LRP12: variants seen among roughly 807,000 people sequenced by gnomAD.
LRP12 encodes LDL receptor related protein 12.
A neutral mutation model predicts 66.0 loss-of-function variants in LRP12; 14 were observed. The observed-to-expected ratio is 0.21, with a 90% CI of 0.14 to 0.33. The LOEUF (loss-of-function observed/expected upper bound fraction) is 0.33, where lower values mean the gene tolerates loss of function less well. Among genes scored for constraint, LRP12 ranks in the 10% least tolerant of loss-of-function variants. The probability of loss-of-function intolerance (pLI) is 1.00; values close to 1 mark genes in which losing one functional copy is unlikely to be tolerated. For synonymous variants in LRP12, 357 were observed against 359.1 expected (o/e 0.99, Z 0.07); for missense variants, 889 against 1,053.4 (o/e 0.84, Z 2.16).
At chr8:104,554,032 G>C (rs76873829) in intron 1 of LRP12, among the ~76,000 whole-genome samples, 4,665 of 152,128 alleles carry the variant, frequency 0.031, 237 homozygotes, top group African/African-American at 0.11. Flanking sequence ...AATGAAACAA[G>C]AATCACTGCA....
At chr8:104,571,202 ATTC>A (rs1194532118) in intron 1 of LRP12, among the ~76,000 whole-genome samples, 2 of 151,946 alleles carry the variant, frequency 1.3e-5, no homozygotes, top group African/African-American at 4.8e-5. Flanking sequence ...GGACCCAGCA[ATTC>A]TTCTCCTAAG....
At chr8:104,567,408 C>T (rs761737972) in intron 1 of LRP12, among the ~76,000 whole-genome samples, 10 of 152,054 alleles carry the variant, frequency 6.6e-5, no homozygotes, top group Admixed American at 1.3e-4. Context: ...GAGAATAGCA[C>T]GGGAAAGACT....
intron 2 of LRP12, among the ~76,000 whole-genome samples, chr8:104,530,065 GTTTT>G (rs373882364): frequency 3.3e-5 from 5 of 151,874 alleles, no homozygotes; most frequent in African/African-American, 9.7e-5. Flanking sequence ...TGTTCTTATT[GTTTT>G]TTGTTTTGAA....
intron 1 of LRP12, among the ~76,000 whole-genome samples, chr8:104,548,309 TTATATAAATATATAA>T (rs1564142109): frequency 0.021 from 874 of 41,914 alleles, 104 homozygotes; most frequent in African/African-American, 0.11. Context: ...ATAATATATA[TTATATAAATATATAA>T]TATATATTAT....
rs1170904768 is a variant in LRP12, at chr8:104,548,207, ATTTATATT to A, written c.80-16252_80-16245del. ...TAATATATATATAAATATATGATATATTTATATTAATATATGATATATTTATATTAATA... is the reference window on the plus strand; with the variant it reads ...TAATATATATATAAATATATGATATAAATATATGATATATTTATATTAATA... On this transcript the variant is annotated intron_variant, in intron 1 of 6. Coordinates refer to ENST00000276654, the MANE Select transcript of LRP12 (RefSeq NM_013437.5). 7.2e-3 allele frequency among the ~76,000 whole-genome samples: 695 copies of A among 96,014 alleles called. 21 individuals are homozygous for A. Among genetic ancestry groups the A allele is most frequent in the African/African-American group, 0.028 (464 of 16,520 alleles). 63.0% of individuals were successfully genotyped at this position (96,014 alleles called of 152,430 possible). A position where few individuals can be genotyped will look rare whatever the true frequency, so the allele number is the denominator to read the frequency against.
chr8:104,572,122 A>C (rs1038619421), intron 1 of LRP12, among the ~76,000 whole-genome samples: 3 of 152,260 alleles, frequency 2.0e-5, no homozygotes, highest in Non-Finnish European at 4.4e-5. Context: ...TGAATCTCCA[A>C]GATATTATGC....
chr8:104,532,017 TTTCAG>T, intron 1 of LRP12, 54 bp from the exon 2 acceptor site: 1 of 1,120,592 alleles, frequency 8.9e-7, no homozygotes, highest in South Asian at 1.5e-5. Flanking sequence ...TACAAAATTT[TTTCAG>T]ATCCTCCCTT....
chr8:104,576,319 G>C (rs897994482), intron 1 of LRP12, among the ~76,000 whole-genome samples: 54 of 152,236 alleles, frequency 3.5e-4, no homozygotes, highest in African/African-American at 1.2e-3. Flanking sequence ...GTAATCATCA[G>C]ATTCTCCAAG....
intron 2 of LRP12, among the ~76,000 whole-genome samples, chr8:104,517,307 A>C (rs548735664): frequency 6.6e-6 from 1 of 151,662 alleles, no homozygotes; most frequent in Non-Finnish European, 1.5e-5. Context: ...CCAAAAACCT[A>C]TATTATACAA....
chr8:104,535,025 TAAAA>T (rs35159534), intron 1 of LRP12, among the ~76,000 whole-genome samples: 1 of 131,728 alleles, frequency 7.6e-6, no homozygotes. Flanking sequence ...TAGCAAATAC[TAAAA>T]AAAAAAAAAA....
chr8:104,554,360 T>G (rs1041724918), intron 1 of LRP12, among the ~76,000 whole-genome samples: 1 of 151,996 alleles, frequency 6.6e-6, no homozygotes, highest in Non-Finnish European at 1.5e-5. Flanking sequence ...ATACCAACTT[T>G]AAGATTTTTT....
At chr8:104,520,290 A>G (rs555639858) in intron 2 of LRP12, among the ~76,000 whole-genome samples, 6 of 152,022 alleles carry the variant, frequency 3.9e-5, no homozygotes, top group African/African-American at 1.2e-4. Flanking sequence ...CAAGGGTATA[A>G]AAATTACTAA....
intron 3 of LRP12, among the ~76,000 whole-genome samples, chr8:104,503,328 CAAAAAAAA>C (rs59353283): frequency 1.3e-4 from 4 of 30,092 alleles, no homozygotes; most frequent in Admixed American, 1.0e-3. Flanking sequence ...CTGTGTCTCT[CAAAAAAAA>C]AAAAAAAAAA....
chr8:104,495,400 C>T (rs776009521), intron 5 of LRP12, 191 bp from the exon 6 acceptor site: 4 of 535,002 alleles, frequency 7.5e-6, no homozygotes, highest in Non-Finnish European at 1.3e-5. Flanking sequence ...CGCAGGCAGT[C>T]TGTCTTCATA....
At chr8:104,548,614 A>ATTAATTATATAATTATTATATAATTAAC in intron 1 of LRP12, among the ~76,000 whole-genome samples, 1 of 110,344 alleles carries the variant, frequency 9.1e-6, no homozygotes, top group Non-Finnish European at 1.8e-5. Context: ...ATATAATTAA[A>ATTAATTATATAATTATTATATAATTAAC]TTAATTATAT....
At chr8:104,560,718 A>C (rs767672829) in intron 1 of LRP12, among the ~76,000 whole-genome samples, 12 of 152,160 alleles carry the variant, frequency 7.9e-5, no homozygotes, top group Non-Finnish European at 8.8e-5. Flanking sequence ...ATTCATAATA[A>C]ATCTTGATGA....
At chr8:104,583,801 T>C (rs1400014045) in intron 1 of LRP12, among the ~76,000 whole-genome samples, 3 of 152,142 alleles carry the variant, frequency 2.0e-5, no homozygotes, top group Non-Finnish European at 4.4e-5. Context: ...TCTGACAGGA[T>C]TGCCAAATAA....
intron 1 of LRP12, among the ~76,000 whole-genome samples, chr8:104,588,141 CA>C (rs1812364018): frequency 6.6e-6 from 1 of 152,146 alleles, no homozygotes; most frequent in Admixed American, 6.5e-5. Context: ...GATGAAATTA[CA>C]ATTGAACTAG....
chr8:104,542,375 T>C (rs146744285), intron 1 of LRP12, among the ~76,000 whole-genome samples: 65 of 152,354 alleles, frequency 4.3e-4, no homozygotes, highest in African/African-American at 1.5e-3. Flanking sequence ...GTTTAAGAGT[T>C]CTTTAGACAT....
Sources: allele counts gnomAD v4.1 joint callset (sites outside exome capture counted in the v4.1 genomes callset), GRCh38; gene constraint gnomAD v4.1.1; transcripts MANE v1.5; gene names NCBI Gene and HGNC (gene_info 2026-07-23, HGNC 2026-07-21).